The following MRPS27 variants were observed in gnomAD, a reference collection of about 807,000 sequenced individuals.
The protein encoded by MRPS27 is small ribosomal subunit protein mS27.
A neutral mutation model predicts 48.9 loss-of-function variants in MRPS27; 43 were observed. That is an observed-to-expected ratio of 0.88 (90% CI 0.69 to 1.13). The LOEUF (loss-of-function observed/expected upper bound fraction) is 1.13, where lower values mean the gene tolerates loss of function less well. Ranked by LOEUF, MRPS27 falls within the 50% of genes most tolerant of loss-of-function variation. The probability of loss-of-function intolerance (pLI) is 0.00; values close to 1 mark genes in which losing one functional copy is unlikely to be tolerated. For missense variants in MRPS27, 467 were observed against 476.3 expected (o/e 0.98, Z 0.18); for synonymous variants, 188 against 171.9 (o/e 1.09, Z -0.73).
chr5:72,263,642 C>T (rs1468961650), intron 4 of MRPS27, among the ~76,000 whole-genome samples: 1 of 151,208 alleles, frequency 6.6e-6, no homozygotes, highest in East Asian at 1.9e-4. Context: ...CCAAAATAGG[C>T]ACCTGAAAAG....
intron 4 of MRPS27, among the ~76,000 whole-genome samples, chr5:72,248,980 G>A (rs907471415): frequency 2.6e-5 from 4 of 152,188 alleles, no homozygotes; most frequent in Non-Finnish European, 2.9e-5. Flanking sequence ...CACTGAGTTC[G>A]AAGGGGTGGG....
At chr5:72,222,205 G>T (rs934505658) in intron 10 of MRPS27, among the ~76,000 whole-genome samples, 4 of 152,200 alleles carry the variant, frequency 2.6e-5, no homozygotes, top group Non-Finnish European at 5.9e-5. Flanking sequence ...AAACGAAAAT[G>T]ATCTCTCTCT....
chr5:72,249,410 G>C (rs1300215852), intron 4 of MRPS27, among the ~76,000 whole-genome samples: 19 of 152,226 alleles, frequency 1.2e-4, no homozygotes, highest in Non-Finnish European at 1.5e-5. Context: ...TCAGCCCCGC[G>C]TGGTGGCTCA....
chr5:72,303,954 T>A (rs1750188852), intron 2 of MRPS27, among the ~76,000 whole-genome samples: 1 of 150,502 alleles, frequency 6.6e-6, no homozygotes, highest in Non-Finnish European at 1.5e-5. Flanking sequence ...ACAGAAAATG[T>A]ATTAGCAACA....
At chr5:72,307,620 G>C (rs571418073) in intron 2 of MRPS27, among the ~76,000 whole-genome samples, 1 of 152,052 alleles carries the variant, frequency 6.6e-6, no homozygotes, top group South Asian at 2.1e-4. Context: ...CCAGGTGATG[G>C]GTAAAGGGGG....
chr5:72,278,048 T>G (rs755267294), intron 4 of MRPS27, among the ~76,000 whole-genome samples: 6 of 152,180 alleles, frequency 3.9e-5, no homozygotes, highest in Non-Finnish European at 7.3e-5. Context: ...TGTTTATTTA[T>G]GTAACAAATC....
At chr5:72,248,669 TAAAA>T (rs36063387) in intron 4 of MRPS27, among the ~76,000 whole-genome samples, 1 of 70,290 alleles carries the variant, frequency 1.4e-5, no homozygotes, top group Non-Finnish European at 2.5e-5. Flanking sequence ...CATTTTCATT[TAAAA>T]AAAAAAAAAA....
Position 72,274,045 on chromosome 5 carries a change from T to C in MRPS27, c.281+21486A>G, listed in dbSNP as rs556150000. On this transcript the variant is annotated intron_variant, in intron 4 of 10. Transcript: ENST00000261413. ...TTTTTAACTTTTTAAAATTCTTAGTTAAAATTTAGTTAAAAACTAAGACAC... is the reference window on the plus strand; with the variant it reads ...TTTTTAACTTTTTAAAATTCTTAGTCAAAATTTAGTTAAAAACTAAGACAC... Among the ~76,000 whole-genome samples the C allele has an allele frequency of 2.0e-5, 3 of 152,258 alleles. No homozygotes were observed. The South Asian group carries it at 6.2e-4, about 32-fold the overall frequency.
At chr5:72,240,561 CT>C (rs891412369) in intron 4 of MRPS27, among the ~76,000 whole-genome samples, 2 of 152,084 alleles carry the variant, frequency 1.3e-5, no homozygotes, top group East Asian at 1.9e-4. Flanking sequence ...AAAGTTGTAA[CT>C]TTTTTTTGAT....
chr5:72,253,916 G>A (rs1227651009), intron 4 of MRPS27, among the ~76,000 whole-genome samples: 2 of 152,138 alleles, frequency 1.3e-5, no homozygotes, highest in Non-Finnish European at 2.9e-5. Flanking sequence ...ATTATGTAAT[G>A]TTGCAGCAAT....
intron 4 of MRPS27, among the ~76,000 whole-genome samples, chr5:72,245,092 A>G (rs946411327): frequency 6.6e-6 from 1 of 152,210 alleles, no homozygotes; most frequent in Non-Finnish European, 1.5e-5. Flanking sequence ...TCCTAAAAGC[A>G]GAAAATGGCT....
intron 2 of MRPS27, among the ~76,000 whole-genome samples, chr5:72,301,637 T>C (rs1323272120): frequency 6.6e-6 from 1 of 152,250 alleles, no homozygotes; most frequent in African/African-American, 2.4e-5. Flanking sequence ...CAAGATTGCA[T>C]GTGAATCCTT....
intron 2 of MRPS27, among the ~76,000 whole-genome samples, chr5:72,305,206 A>G (rs1032036292): frequency 6.6e-6 from 1 of 152,376 alleles, no homozygotes; most frequent in East Asian, 1.9e-4. Flanking sequence ...TAATGAGACT[A>G]AAGAACGGTG....
At chr5:72,287,696 A>C (rs923432263) in intron 4 of MRPS27, among the ~76,000 whole-genome samples, 5 of 152,240 alleles carry the variant, frequency 3.3e-5, no homozygotes, top group African/African-American at 1.2e-4. Flanking sequence ...TTACCAAAGG[A>C]AATATCATTA....
At position 72,303,636 on chromosome 5, in the gene MRPS27, C is replaced by A. The variant is rs1219471837; in HGVS notation, c.152-5934G>T. On this transcript the variant is annotated intron_variant, in intron 2 of 10. Transcript: ENST00000261413. ...AATTACAAAGAAAGAAACAACTATA[C>A]TAACAGGTGTTTTCTCAATAGGAAT... 4.3e-4 allele frequency among the ~76,000 whole-genome samples: 65 copies of A among 151,992 alleles called. 1 individual carries two copies. The highest frequency in any genetic ancestry group is 4.4e-5 in the Non-Finnish European group (3 of 67,972).
intron 4 of MRPS27, among the ~76,000 whole-genome samples, chr5:72,239,877 G>A (rs1748304705): frequency 6.6e-6 from 1 of 152,058 alleles, no homozygotes. Flanking sequence ...TCGCTGTGTT[G>A]CCCAGGCAAC....
intron 2 of MRPS27, among the ~76,000 whole-genome samples, chr5:72,302,227 T>C (rs2112073067): frequency 1.3e-5 from 2 of 152,368 alleles, no homozygotes; most frequent in African/African-American, 4.8e-5. Context: ...CAAGATTGTA[T>C]TGAGAACCCT....
chr5:72,301,822 G>A (rs1031429868), intron 2 of MRPS27, among the ~76,000 whole-genome samples: 3 of 152,262 alleles, frequency 2.0e-5, no homozygotes, highest in African/African-American at 7.2e-5. Flanking sequence ...GATGAATGAG[G>A]CAGAAAACTG....
At chr5:72,253,666 T>C (rs1748722490) in intron 4 of MRPS27, among the ~76,000 whole-genome samples, 1 of 152,198 alleles carries the variant, frequency 6.6e-6, no homozygotes, top group Non-Finnish European at 1.5e-5. Flanking sequence ...CTGAAAATAT[T>C]TGTATAGGGA....
Sources: allele counts gnomAD v4.1 joint callset (sites outside exome capture counted in the v4.1 genomes callset), GRCh38; gene constraint gnomAD v4.1.1; transcripts MANE v1.5; gene names NCBI Gene and HGNC (gene_info 2026-07-23, HGNC 2026-07-21).